USP33: variants seen among roughly 807,000 people sequenced by gnomAD.
The protein encoded by USP33 is ubiquitin specific peptidase 33.
USP33 carries 46 observed loss-of-function variants against 124.2 expected under a neutral mutation model. That is an observed-to-expected ratio of 0.37 (90% CI 0.29 to 0.47). The LOEUF (loss-of-function observed/expected upper bound fraction) is 0.47, where lower values mean the gene tolerates loss of function less well. Ranked by LOEUF, USP33 falls within the 20% of genes least tolerant of loss-of-function variation. The probability of loss-of-function intolerance (pLI) is 0.99; values close to 1 mark genes in which losing one functional copy is unlikely to be tolerated. For missense variants in USP33, 851 were observed against 1,070.6 expected (o/e 0.79, Z 2.86); for synonymous variants, 350 against 352.3 (o/e 0.99, Z 0.07).
chr1:77,755,729 A>G (rs1680748338), intron 1 of USP33, among the ~76,000 whole-genome samples: 1 of 152,186 alleles, frequency 6.6e-6, no homozygotes, highest in African/African-American at 2.4e-5. Flanking sequence ...TTCCTCTTCT[A>G]GGATTTTATA....
intron 1 of USP33, among the ~76,000 whole-genome samples, chr1:77,743,579 G>T (rs527997523): frequency 6.6e-6 from 1 of 151,708 alleles, no homozygotes; most frequent in South Asian, 2.1e-4. Flanking sequence ...GTCTCAAACC[G>T]TCCTCCTGTC....
At chr1:77,740,761 TTTAAC>T (rs1444935816) in intron 4 of USP33, 111 bp downstream of exon 4, 5 of 736,812 alleles carry the variant, frequency 6.8e-6, no homozygotes, top group Non-Finnish European at 1.2e-5. Context: ...TAAGTGAAGT[TTTAAC>T]TTAGAGTGCA....
chr1:77,711,586 C>G (rs1675268523), intron 21 of USP33, 161 bp downstream of exon 21: 1 of 1,125,614 alleles, frequency 8.9e-7, no homozygotes, highest in East Asian at 2.8e-5. Context: ...CTCAACAGAA[C>G]TGTAGTGAAC....
intron 10 of USP33, among the ~76,000 whole-genome samples, chr1:77,726,468 A>G (rs1156764956): frequency 6.6e-6 from 1 of 151,662 alleles, no homozygotes; most frequent in Non-Finnish European, 1.5e-5. Flanking sequence ...ACATCATGAG[A>G]CCCCCATCTC....
intron 1 of USP33, chr1:77,759,378 T>A: frequency 2.6e-6 from 1 of 387,462 alleles, no homozygotes; most frequent in Admixed American, 4.5e-5. Context: ...GAAGAACCCC[T>A]GAGGACCCTT....
chr1:77,714,809 T>C (rs1303527084), intron 18 of USP33, 26 bp from the exon 19 acceptor site: 1 of 1,603,748 alleles, frequency 6.2e-7, no homozygotes, highest in Non-Finnish European at 8.5e-7. Flanking sequence ...ATTAGTTAAA[T>C]TCAATATGCA....
At position 77,734,200 on chromosome 1, in the gene USP33, T is replaced by C. The variant is rs1035731139; in HGVS notation, c.524+147A>G. The C allele has an allele frequency of 1.3e-5, 8 of 630,438 alleles. No homozygotes were observed. The Admixed American group carries it at 1.3e-4, about 10-fold the overall frequency. 39.1% of individuals were successfully genotyped at this position (630,438 alleles called of 1,614,324 possible). A position where few individuals can be genotyped will look rare whatever the true frequency, so the allele number is the denominator to read the frequency against. On this transcript the variant is annotated intron_variant, in intron 7 of 23. Transcript: ENST00000370794. ...AACTACGGGTATACATAGAGTAACATCGTTGGGACAAGAATGGGTTATGTC... is the reference window on the plus strand; with the variant it reads ...AACTACGGGTATACATAGAGTAACACCGTTGGGACAAGAATGGGTTATGTC...
At chr1:77,735,345 T>C (rs541745944) in intron 6 of USP33, among the ~76,000 whole-genome samples, 85 of 152,256 alleles carry the variant, frequency 5.6e-4, no homozygotes, top group African/African-American at 1.9e-3. Context: ...GCTATTTGGA[T>C]TTGGAGCAAA....
In USP33 at chr1:77,739,324, T is replaced by C. The variant is rs1437321211; in HGVS notation, c.292A>G (p.Thr98Ala). ...CTTACATGAGGCAATGAAGGCTGAG[T>C]TCCTAATTTCCTATCCAAAAATACT... ...KEVFLDRKLG[T>A]QPSLPHVRQP... is the part of the protein sequence containing the mutation. Residue 98 changes from threonine to alanine, a missense_variant, in exon 5 of 24, where the codon ACT becomes GCT. Transcript: ENST00000370794. 8 of 1,613,732 alleles carry C rather than the reference T, an allele frequency of 5.0e-6. No homozygotes were observed. In the Admixed American group the frequency reaches 1.2e-4, roughly 24 times the overall value.
intron 7 of USP33, among the ~76,000 whole-genome samples, chr1:77,731,388 C>T (rs1346762898): frequency 2.0e-5 from 3 of 152,174 alleles, no homozygotes; most frequent in Non-Finnish European, 4.4e-5. Flanking sequence ...TATAGTCTGT[C>T]TGTCGTGAGT....
chr1:77,750,211 G>C (rs965793208), intron 1 of USP33, among the ~76,000 whole-genome samples: 7 of 152,060 alleles, frequency 4.6e-5, no homozygotes, highest in African/African-American at 9.7e-5. Flanking sequence ...CCAGCTACTC[G>C]GGAGGCTGAA....
chr1:77,729,965 C>T, intron 8 of USP33, 27 bp from the exon 9 acceptor site: 1 of 1,563,376 alleles, frequency 6.4e-7, no homozygotes, highest in Non-Finnish European at 8.7e-7. Context: ...TTTTAAAGAG[C>T]AATTTTTGTT....
At chr1:77,754,129 C>T (rs2101618027) in intron 1 of USP33, among the ~76,000 whole-genome samples, 1 of 152,246 alleles carries the variant, frequency 6.6e-6, no homozygotes, top group South Asian at 2.1e-4. Context: ...AATTGTTACA[C>T]AGAGGTTGGG....
chr1:77,742,651 T>G (rs1000542235), intron 1 of USP33, among the ~76,000 whole-genome samples: 1 of 152,208 alleles, frequency 6.6e-6, no homozygotes, highest in African/African-American at 2.4e-5. Flanking sequence ...CCTAGATCTT[T>G]TGGTTGTACC....
At chr1:77,723,236 AAAGAG>A in intron 12 of USP33, 90 bp downstream of exon 12, 2 of 910,600 alleles carry the variant, frequency 2.2e-6, no homozygotes, top group Non-Finnish European at 3.5e-6. Context: ...CATCAATAGC[AAAGAG>A]AAGGAATTAA....
intron 1 of USP33, among the ~76,000 whole-genome samples, chr1:77,756,289 T>G (rs77085953): frequency 6.6e-6 from 1 of 152,104 alleles, no homozygotes; most frequent in Non-Finnish European, 1.5e-5. Context: ...TTTTTTTTTT[T>G]AACCACATTT....
At chr1:77,709,369 G>C (rs1055810362) in intron 21 of USP33, among the ~76,000 whole-genome samples, 1 of 151,960 alleles carries the variant, frequency 6.6e-6, no homozygotes, top group Non-Finnish European at 1.5e-5. Context: ...TTTTAAATTA[G>C]CTACACATGG....
Position 77,715,836 on chromosome 1 carries a change from G to C in USP33, c.1951C>G (p.Leu651Val), listed in dbSNP as rs1459015000. The change falls in exon 18 of 24, where the codon CTA becomes GTA. Residue 651 changes from leucine to valine, a missense_variant. Leu to Val is a conservative substitution (Grantham distance 32). Around this residue, in one of 4 missense-constraint regions of USP33, gnomAD observed 281 missense variants for 425.0 expected, o/e 0.66. Coordinates refer to ENST00000370794, the MANE Select transcript of USP33 (RefSeq NM_201624.3). ...TCAAATTCATACCAGAGATTATTTA[G>C]ATTGTTTCGGCAGTAGGCTATATAG... Reference protein sequence around the residue: ...GHYIAYCRNNLNNLWYEFDDQ... With the variant: ...GHYIAYCRNNVNNLWYEFDDQ... 1 of 1,613,854 alleles carries C rather than the reference G, an allele frequency of 6.2e-7. No individual in the cohort carries two copies. The highest frequency in any genetic ancestry group is 1.1e-5 in the South Asian group (1 of 91,070).
chr1:77,698,853 T>G (rs1324921552), intron 22 of USP33, among the ~76,000 whole-genome samples: 5 of 152,170 alleles, frequency 3.3e-5, no homozygotes, highest in African/African-American at 1.2e-4. Context: ...AATGTACCAC[T>G]AATGCTATAA....
Sources: allele counts gnomAD v4.1 joint callset (sites outside exome capture counted in the v4.1 genomes callset), GRCh38; gene constraint gnomAD v4.1.1; regional missense constraint gnomAD v4.1.1; transcripts MANE v1.5; gene names NCBI Gene and HGNC (gene_info 2026-07-23, HGNC 2026-07-21).